The following NR2C2 variants were observed in gnomAD, a reference collection of about 807,000 sequenced individuals.
The protein encoded by NR2C2 is nuclear receptor subfamily 2 group C member 2.
In NR2C2, 6 loss-of-function variants were observed where a neutral mutation model predicts 62.9. The ratio of observed to expected loss-of-function variants is 0.10; its 90% confidence interval spans 0.05 to 0.19. The LOEUF (loss-of-function observed/expected upper bound fraction) is 0.19. Among genes scored for constraint, NR2C2 ranks in the 10% least tolerant of loss-of-function variants. The pLI is 1.00. For synonymous variants in NR2C2, 272 were observed against 273.8 expected (o/e 0.99, Z 0.07); for missense variants, 479 against 762.7 (o/e 0.63, Z 4.38).
intron 4 of NR2C2, among the ~76,000 whole-genome samples, chr3:15,019,006 A>G (rs1331354884): frequency 7.6e-6 from 1 of 132,446 alleles, no homozygotes; most frequent in African/African-American, 3.1e-5. Flanking sequence ...CAAAAGCAAG[A>G]CTCTTGTCTT....
chr3:15,024,426 C>T (rs967688347), intron 7 of NR2C2, among the ~76,000 whole-genome samples: 1 of 152,316 alleles, frequency 6.6e-6, no homozygotes, highest in Non-Finnish European at 1.5e-5. Flanking sequence ...ATCACTGTAA[C>T]ATGTCAGTCT....
chr3:14,994,482 C>T (rs2040764242), intron 1 of NR2C2, among the ~76,000 whole-genome samples: 3 of 121,324 alleles, frequency 2.5e-5, no homozygotes, highest in African/African-American at 6.5e-5. Context: ...CTCACCCTGT[C>T]GCCAGGCTGG....
intron 7 of NR2C2, chr3:15,026,922 A>G (rs2041837865): frequency 6.6e-6 from 1 of 152,334 alleles, no homozygotes; most frequent in Admixed American, 6.5e-5. Context: ...GCTGGAGTGC[A>G]ATCGTGCGAT....
chr3:14,949,220 G>C (rs1281828386), intron 1 of NR2C2, among the ~76,000 whole-genome samples: 1 of 152,196 alleles, frequency 6.6e-6, no homozygotes, highest in African/African-American at 2.4e-5. Context: ...AGAGTCATAA[G>C]TTCTGTGAAA....
chr3:15,025,597 A>C (rs948112353), intron 7 of NR2C2: 1 of 152,254 alleles, frequency 6.6e-6, no homozygotes, highest in African/African-American at 2.4e-5. Context: ...ACAGGAAGCT[A>C]CTTTCAGAAA....
At chr3:14,948,669 C>G (rs1290356292) in intron 1 of NR2C2, 1 of 152,896 alleles carries the variant, frequency 6.5e-6, no homozygotes, top group Admixed American at 6.5e-5. Flanking sequence ...AGCAGGTGGG[C>G]TGCTTCCCTC....
intron 1 of NR2C2, among the ~76,000 whole-genome samples, chr3:14,955,161 A>T (rs951782118): frequency 1.3e-5 from 2 of 152,120 alleles, no homozygotes; most frequent in Non-Finnish European, 2.9e-5. Context: ...TGCGTGTTGT[A>T]GTTAAGTAAA....
intron 2 of NR2C2, among the ~76,000 whole-genome samples, chr3:15,011,221 C>T (rs1488725495): frequency 3.3e-5 from 5 of 152,172 alleles, no homozygotes; most frequent in African/African-American, 9.7e-5. Context: ...CGCCTGTGGT[C>T]TCAGCTACAC....
At chr3:15,030,522 G>A in intron 9 of NR2C2, 70 bp downstream of exon 9, 1 of 1,444,040 alleles carries the variant, frequency 6.9e-7, no homozygotes, top group Non-Finnish European at 9.2e-7. Flanking sequence ...AAGCCGATCT[G>A]CAGTTTTAAA....
At chr3:15,027,674 T>C (rs2041861615) in intron 7 of NR2C2, among the ~76,000 whole-genome samples, 1 of 152,134 alleles carries the variant, frequency 6.6e-6, no homozygotes, top group Admixed American at 6.5e-5. Flanking sequence ...CATGGCTCAC[T>C]GCAGCCTTGA....
rs2041732440 is a variant in NR2C2 at position 15,023,456 on chromosome 3, C to T, written c.704+109C>T. Reference sequence around the variant, plus strand: ...CTTCCCACCCATCTGCCATAGCCTCCAGCGTTGTGTTGCCTAATTCTGCCC... The same window carrying T: ...CTTCCCACCCATCTGCCATAGCCTCTAGCGTTGTGTTGCCTAATTCTGCCC... On this transcript the variant is annotated intron_variant, in intron 6 of 13. Transcript: ENST00000425241. 8.6e-6 allele frequency: 11 copies of T among 1,285,832 alleles called. No individual in the cohort carries two copies. The South Asian group carries it at 1.2e-4, about 14-fold the overall frequency. The allele number at this position is 1,285,832 out of a possible 1,614,324, so 79.7% of individuals were successfully genotyped here.
At chr3:14,996,962 AAACTT>A (rs1159224894) in intron 1 of NR2C2, among the ~76,000 whole-genome samples, 1 of 152,216 alleles carries the variant, frequency 6.6e-6, no homozygotes, top group Non-Finnish European at 1.5e-5. Flanking sequence ...GATGGCTTTA[AAACTT>A]CTTGCAAATA....
Position 15,010,366 on chromosome 3 carries a change from C to A in NR2C2, c.73-3223C>A, listed in dbSNP as rs1368380179. Among the ~76,000 whole-genome samples the A allele has an allele frequency of 5.3e-5, 8 of 150,162 alleles. No homozygotes were observed. The South Asian group carries it at 6.3e-4, about 12-fold the overall frequency. Reference sequence around the variant, plus strand: ...GGAGGGTGAAGATAAAAAAAAAAAACCCAAAATTATAAGTAATTCATTGAA... The same window carrying A: ...GGAGGGTGAAGATAAAAAAAAAAAAACCAAAATTATAAGTAATTCATTGAA... On this transcript the variant is annotated intron_variant, in intron 2 of 13. Transcript: ENST00000425241.
chr3:15,020,148 C>G (rs937510726), intron 4 of NR2C2, among the ~76,000 whole-genome samples: 5 of 151,986 alleles, frequency 3.3e-5, no homozygotes, highest in Non-Finnish European at 7.4e-5. Flanking sequence ...GAGTGGCTAG[C>G]CCAGGTGGAA....
chr3:15,023,108 C>T, intron 5 of NR2C2, 92 bp from the exon 6 acceptor site: 2 of 1,396,570 alleles, frequency 1.4e-6, no homozygotes, highest in East Asian at 4.6e-5. Context: ...CAGAGTCATC[C>T]TCCCTGCAGT....
At chr3:15,013,541 G>A (rs762925771) in intron 2 of NR2C2, 48 bp from the exon 3 acceptor site, 1 of 1,558,526 alleles carries the variant, frequency 6.4e-7, no homozygotes, top group Admixed American at 1.7e-5. Flanking sequence ...GCAAATGCAT[G>A]GGTCTTGTGA....
chr3:15,015,230 A>G (rs1231150442), intron 3 of NR2C2, among the ~76,000 whole-genome samples: 1 of 152,224 alleles, frequency 6.6e-6, no homozygotes, highest in African/African-American at 2.4e-5. Flanking sequence ...TGTTCCCACC[A>G]TGTATAAATC....
chr3:15,008,393 G>A (rs1350709833), intron 2 of NR2C2, among the ~76,000 whole-genome samples: 1 of 151,990 alleles, frequency 6.6e-6, no homozygotes, highest in South Asian at 2.1e-4. Flanking sequence ...GTGCTGGCAC[G>A]AGCCTGTAGT....
At chr3:15,003,779 A>G (rs1291419449) in intron 1 of NR2C2, 97 bp from the exon 2 acceptor site, 2 of 717,500 alleles carry the variant, frequency 2.8e-6, no homozygotes, top group African/African-American at 3.6e-5. Flanking sequence ...CAAGTTCATC[A>G]CTCCAGGCCA....
Sources: allele counts gnomAD v4.1 joint callset (sites outside exome capture counted in the v4.1 genomes callset), GRCh38; gene constraint gnomAD v4.1.1; transcripts MANE v1.5; gene names NCBI Gene and HGNC (gene_info 2026-07-23, HGNC 2026-07-21).